Variants in LIMS1 observed in about 807,000 individuals in gnomAD.
The protein encoded by LIMS1 is LIM and senescent cell antigen-like-containing domain protein 1.
In LIMS1, 18 loss-of-function variants were observed where a neutral mutation model predicts 44.1. That is an observed-to-expected ratio of 0.41 (90% CI 0.28 to 0.61). The LOEUF is 0.61. LIMS1 is among the 20% of genes least tolerant of loss of function. LIMS1 has a pLI of 0.32. For missense variants in LIMS1, 201 were observed against 422.0 expected, an observed-to-expected ratio of 0.48 and a Z score of 4.59; for synonymous variants, 93 against 149.1, an observed-to-expected ratio of 0.62 and a Z score of 2.74.
intron 1 of LIMS1, among the ~76,000 whole-genome samples, chr2:108,621,818 G>A (rs1030675382): frequency 6.6e-6 from 1 of 152,050 alleles, no homozygotes; most frequent in East Asian, 1.9e-4. Flanking sequence ...ACATGTTTTT[G>A]TCTGTGTTTT....
intron 1 of LIMS1, among the ~76,000 whole-genome samples, chr2:108,568,715 A>G (rs775010620): frequency 6.6e-6 from 1 of 152,186 alleles, no homozygotes; most frequent in Admixed American, 6.5e-5. Flanking sequence ...TTGTTTTAAT[A>G]GTAGCCATTG....
At chr2:108,536,898 A>G (rs538271583) in intron 1 of LIMS1, among the ~76,000 whole-genome samples, 1 of 152,180 alleles carries the variant, frequency 6.6e-6, no homozygotes, top group Non-Finnish European at 1.5e-5. Context: ...TCTAAGTTTT[A>G]TGTGAATGTA....
intron 8 of LIMS1, 81 bp downstream of exon 8, chr2:108,678,108 T>G (rs1456586053): frequency 4.4e-6 from 7 of 1,602,144 alleles, no homozygotes; most frequent in Admixed American, 1.7e-5. Context: ...GGTTGGTGAT[T>G]GTATGGTTTG....
intron 1 of LIMS1, among the ~76,000 whole-genome samples, chr2:108,642,090 T>C (rs898759728): frequency 6.6e-6 from 1 of 152,178 alleles, no homozygotes; most frequent in African/African-American, 2.4e-5. Context: ...TTGAATGCAG[T>C]TGGAGAAGCT....
At chr2:108,629,963 C>T (rs566913324) in intron 1 of LIMS1, among the ~76,000 whole-genome samples, 2 of 152,230 alleles carry the variant, frequency 1.3e-5, no homozygotes, top group South Asian at 2.1e-4. Context: ...GAGGCCAAGC[C>T]GGGTGGATCA....
intron 1 of LIMS1, among the ~76,000 whole-genome samples, chr2:108,597,693 C>CTT (rs10693112): frequency 0.28 from 30,699 of 107,990 alleles, 4,999 homozygotes; most frequent in East Asian, 0.79. Flanking sequence ...AGCAAAAATG[C>CTT]TTTTTTTTTT....
intron 1 of LIMS1, among the ~76,000 whole-genome samples, chr2:108,583,354 G>A (rs1348894267): frequency 1.3e-5 from 2 of 151,566 alleles, no homozygotes; most frequent in Non-Finnish European, 3.0e-5. Context: ...AAAGGGTTTT[G>A]TTTTTAAATG....
At chr2:108,573,212 T>C (rs1455452582) in intron 1 of LIMS1, among the ~76,000 whole-genome samples, 3 of 152,228 alleles carry the variant, frequency 2.0e-5, no homozygotes, top group Admixed American at 1.3e-4. Context: ...TCTGCACTTA[T>C]TTTATTGCAG....
At chr2:108,574,035 C>T (rs1685581529) in intron 1 of LIMS1, among the ~76,000 whole-genome samples, 1 of 150,210 alleles carries the variant, frequency 6.7e-6, no homozygotes. Flanking sequence ...GCCTGAATCC[C>T]CCCTCCCCCC....
intron 1 of LIMS1, among the ~76,000 whole-genome samples, chr2:108,654,377 C>G (rs12617558): frequency 0.41 from 62,222 of 151,406 alleles, 14,711 homozygotes; most frequent in East Asian, 0.95. Context: ...TGGCCCTTGT[C>G]TGTTTCCACT....
intron 1 of LIMS1, among the ~76,000 whole-genome samples, chr2:108,597,263 A>G (rs1397898527): frequency 6.6e-6 from 1 of 152,026 alleles, no homozygotes; most frequent in Non-Finnish European, 1.5e-5. Flanking sequence ...GAGACTCAAC[A>G]CTTAACGACA....
chr2:108,597,978 C>T (rs1686804419), intron 1 of LIMS1, among the ~76,000 whole-genome samples: 1 of 152,022 alleles, frequency 6.6e-6, no homozygotes, highest in Non-Finnish European at 1.5e-5. Context: ...AGGTGTGAGC[C>T]ACCACACCTG....
Position 108,677,108 on chromosome 2 carries a change from T to G in LIMS1, c.774+410T>G, listed in dbSNP as rs1164823772. Reference sequence around the variant, plus strand: ...TTGATACCGTACTCTAACCATTTATTCCAGTTTTGTCACTTGAGTCAATAT... The same window carrying G: ...TTGATACCGTACTCTAACCATTTATGCCAGTTTTGTCACTTGAGTCAATAT... On this transcript the variant is annotated intron_variant, in intron 7 of 9. Coordinates refer to ENST00000544547, the Ensembl canonical transcript of LIMS1. 3.9e-5 allele frequency among the ~76,000 whole-genome samples: 6 copies of G among 152,256 alleles called. No individual in the cohort carries two copies. The East Asian group carries it at 1.2e-3, about 29-fold the overall frequency.
intron 2 of LIMS1, among the ~76,000 whole-genome samples, chr2:108,663,615 A>G (rs1277845065): frequency 1.3e-5 from 2 of 152,184 alleles, no homozygotes; most frequent in African/African-American, 4.8e-5. Flanking sequence ...ATTAACCCTG[A>G]CTTAGTACAT....
intron 1 of LIMS1, among the ~76,000 whole-genome samples, chr2:108,578,000 C>T (rs1275524102): frequency 6.6e-6 from 1 of 152,208 alleles, no homozygotes; most frequent in African/African-American, 2.4e-5. Flanking sequence ...ACCTTCACCT[C>T]CCAGGTTCAA....
chr2:108,550,518 AAAAT>A (rs996145371), intron 1 of LIMS1, among the ~76,000 whole-genome samples: 16 of 149,404 alleles, frequency 1.1e-4, no homozygotes, highest in South Asian at 2.1e-4. Context: ...ATAATAAAAA[AAAAT>A]AAATAAATAA....
intron 2 of LIMS1, among the ~76,000 whole-genome samples, chr2:108,669,323 G>A (rs753679785): frequency 2.0e-5 from 3 of 151,936 alleles, no homozygotes; most frequent in Non-Finnish European, 2.9e-5. Context: ...CAGGAGAATC[G>A]CCTGAACCCA....
chr2:108,555,294 A>G (rs1184115424), intron 1 of LIMS1, among the ~76,000 whole-genome samples: 1 of 152,174 alleles, frequency 6.6e-6, no homozygotes, highest in Admixed American at 6.5e-5. Context: ...ACTGGCAGCC[A>G]TTCTGTGACC....
chr2:108,585,491 ACAT>A (rs1686064070), intron 1 of LIMS1, among the ~76,000 whole-genome samples: 1 of 152,108 alleles, frequency 6.6e-6, no homozygotes, highest in African/African-American at 2.4e-5. Flanking sequence ...CTGTATGGAG[ACAT>A]CAGCAGACAA....
Sources: gnomAD v4.1 joint callset for allele counts (sites outside exome capture counted in the v4.1 genomes callset) on GRCh38, gnomAD v4.1.1 for gene constraint, MANE v1.5 for transcripts, NCBI Gene and HGNC (gene_info 2026-07-23, HGNC 2026-07-21) for gene names.